PRKCE: variants seen among roughly 807,000 people sequenced by gnomAD.
The protein encoded by PRKCE is protein kinase C epsilon.
Under a neutral mutation model 85.4 loss-of-function variants are expected in PRKCE, and 16 were observed. That is an observed-to-expected ratio of 0.19 (90% CI 0.13 to 0.28). The LOEUF (loss-of-function observed/expected upper bound fraction) is 0.28, where lower values mean the gene tolerates loss of function less well. PRKCE is among the 10% of genes least tolerant of loss of function. PRKCE has a pLI of 1.00. For missense variants in PRKCE, 573 were observed against 975.2 expected (o/e 0.59, Z 5.49); for synonymous variants, 388 against 371.5 (o/e 1.04, Z -0.51).
At chr2:45,805,774 T>C (rs1688197427) in intron 1 of PRKCE, among the ~76,000 whole-genome samples, 1 of 152,118 alleles carries the variant, frequency 6.6e-6, no homozygotes, top group Non-Finnish European at 1.5e-5. Flanking sequence ...TTCTTTTGTA[T>C]TTTTAGTAGA....
intron 11 of PRKCE, among the ~76,000 whole-genome samples, chr2:46,112,684 T>A (rs564739264): frequency 6.6e-6 from 1 of 152,116 alleles, no homozygotes; most frequent in East Asian, 1.9e-4. Context: ...CATGCCTGGC[T>A]AATTTTTGTA....
At chr2:45,969,009 A>T (rs1247272302) in intron 2 of PRKCE, among the ~76,000 whole-genome samples, 3 of 143,672 alleles carry the variant, frequency 2.1e-5, no homozygotes, top group Admixed American at 7.0e-5. Context: ...TCACCTGCCT[A>T]CAGCCTGTGA....
At chr2:45,865,921 G>C (rs1202914857) in intron 2 of PRKCE, among the ~76,000 whole-genome samples, 1 of 149,726 alleles carries the variant, frequency 6.7e-6, no homozygotes, top group Non-Finnish European at 1.5e-5. Flanking sequence ...AGGCTCAAGT[G>C]ATCCTACTGC....
chr2:45,845,319 G>C (rs1320822769), intron 2 of PRKCE: 2 of 151,758 alleles, frequency 1.3e-5, no homozygotes, highest in Admixed American at 6.6e-5. Context: ...AGATGGGTCT[G>C]GGGTGAAGCA....
At chr2:45,985,446 G>A (rs951581506) in intron 6 of PRKCE, among the ~76,000 whole-genome samples, 7 of 152,126 alleles carry the variant, frequency 4.6e-5, no homozygotes, top group African/African-American at 7.2e-5. Context: ...TTGGGCAACC[G>A]TGAACTACTA....
intron 2 of PRKCE, among the ~76,000 whole-genome samples, chr2:45,877,932 A>G (rs1558784377): frequency 6.6e-6 from 1 of 152,248 alleles, no homozygotes. Flanking sequence ...CACCACATCC[A>G]GACAATGAGA....
intron 10 of PRKCE, among the ~76,000 whole-genome samples, chr2:46,045,232 T>C (rs1708447837): frequency 6.6e-6 from 1 of 152,238 alleles, no homozygotes; most frequent in Admixed American, 6.5e-5. Flanking sequence ...ACATATATAG[T>C]ATTTACATAC....
At chr2:46,134,228 G>A (rs1241575959) in intron 11 of PRKCE, among the ~76,000 whole-genome samples, 1 of 152,136 alleles carries the variant, frequency 6.6e-6, no homozygotes, top group African/African-American at 2.4e-5. Context: ...TGAGACACTG[G>A]GATGCATCAG....
At chr2:46,079,588 G>A (rs773824913) in intron 10 of PRKCE, among the ~76,000 whole-genome samples, 2 of 152,254 alleles carry the variant, frequency 1.3e-5, no homozygotes, top group Non-Finnish European at 2.9e-5. Context: ...TGGAGAAACT[G>A]CTCATGCTGT....
At chr2:45,949,092 G>T (rs893730661) in intron 2 of PRKCE, among the ~76,000 whole-genome samples, 2 of 152,186 alleles carry the variant, frequency 1.3e-5, no homozygotes, top group Non-Finnish European at 2.9e-5. Context: ...TTGGGTATAA[G>T]TGTGCAAATC....
intron 1 of PRKCE, among the ~76,000 whole-genome samples, chr2:45,720,144 A>G (rs13414092): frequency 6.6e-6 from 1 of 151,786 alleles, no homozygotes; most frequent in African/African-American, 2.4e-5. Context: ...AGAGGGAGGG[A>G]GAGGGGCTGG....
rs761193718 is a variant in PRKCE at position 46,007,533 on chromosome 2, G to C, written c.1135G>C (p.Ala379Pro). 4 of 1,599,700 alleles carry C rather than the reference G, an allele frequency of 2.5e-6. No homozygotes were observed. The African/African-American group carries it at 5.3e-5, about 21-fold the overall frequency. ...FDNRGEEHRA[A>P]SSPDGQLMSP... is the part of the protein sequence containing the mutation. ...CAACCGAGGAGAGGAGCACCGGGCA[G>C]CATCGTCTCCTGATGGCCAGCTGAT... The change falls in exon 9 of 15, where the codon GCA becomes CCA. Residue 379 changes from alanine (A) to proline (P), a missense_variant. Transcript: ENST00000306156.
At chr2:45,653,575 C>G (rs773412867) in intron 1 of PRKCE, among the ~76,000 whole-genome samples, 1 of 151,814 alleles carries the variant, frequency 6.6e-6, no homozygotes, top group East Asian at 1.9e-4. Flanking sequence ...CAATTGCTTT[C>G]TATTGAAAAC....
chr2:46,183,176 G>T (rs960720197), intron 14 of PRKCE, among the ~76,000 whole-genome samples: 1 of 152,072 alleles, frequency 6.6e-6, no homozygotes, highest in Non-Finnish European at 1.5e-5. Context: ...AACTATTTAG[G>T]AAAACAAAAA....
At chr2:46,096,251 T>C (rs1024591009) in intron 11 of PRKCE, among the ~76,000 whole-genome samples, 5 of 152,258 alleles carry the variant, frequency 3.3e-5, no homozygotes, top group African/African-American at 1.2e-4. Context: ...CAAACCTCTC[T>C]GGACTGCTTT....
In PRKCE at chr2:46,141,354, T is replaced by TA. The variant is rs1260857439; in HGVS notation, c.1593-3732dup. 7.2e-5 allele frequency among the ~76,000 whole-genome samples: 11 copies of TA among 152,088 alleles called. 1 individual carries two copies. Among genetic ancestry groups the TA allele is most frequent in the African/African-American group, 2.7e-4 (11 of 41,392 alleles). On this transcript the variant is annotated intron_variant, in intron 11 of 14. Transcript: ENST00000306156. ...TATTTTAAGTGAAAAAGATAAAGTC[T>TA]AAAAAAATGTGTATGGTAAGCTCCC...
intron 2 of PRKCE, chr2:45,845,841 G>A (rs775481983): frequency 6.6e-5 from 10 of 152,186 alleles, no homozygotes; most frequent in Admixed American, 3.9e-4. Flanking sequence ...ATGTAAGGGG[G>A]TCAGGCTAGA....
In PRKCE at chr2:46,004,203, C is replaced by G; in HGVS notation, c.967-339C>G. On this transcript the variant is annotated intron_variant, in intron 7 of 14. Coordinates refer to ENST00000306156, the MANE Select transcript of PRKCE (RefSeq NM_005400.3). The surrounding 1 kb of genome is among the most constrained non-coding windows in gnomAD (Gnocchi z 4.1). ...AGCTTGCTAACCTTTATGGTGTCCT[C>G]GCACAACCCGAACTACTTCATCCTT... The G allele has an allele frequency of 3.1e-6, 1 of 327,718 alleles. No individual in the cohort carries two copies. Among genetic ancestry groups the G allele is most frequent in the South Asian group, 2.7e-5 (1 of 37,322 alleles). The allele number at this position is 327,718 out of a possible 1,614,324, so 20.3% of individuals were successfully genotyped here.
At chr2:45,938,043 C>T (rs147616934) in intron 2 of PRKCE, among the ~76,000 whole-genome samples, 54 of 152,272 alleles carry the variant, frequency 3.5e-4, no homozygotes, top group African/African-American at 1.2e-3. Context: ...CAGAGGGTCC[C>T]GACCCTTCCC....
Sources: gnomAD v4.1 joint callset for allele counts (sites outside exome capture counted in the v4.1 genomes callset) on GRCh38, gnomAD v4.1.1 for gene constraint, Gnocchi (gnomAD v3.1) non-coding constraint, MANE v1.5 for transcripts, NCBI Gene and HGNC (gene_info 2026-07-23, HGNC 2026-07-21) for gene names.